Variants in MRPL11 observed in about 807,000 individuals in gnomAD.
MRPL11 encodes the protein mitochondrial ribosomal protein L11.
MRPL11 carries 21 observed loss-of-function variants against 19.1 expected under a neutral mutation model. The observed-to-expected ratio is 1.10, with a 90% CI of 0.78 to 1.58. MRPL11 has a LOEUF of 1.58. MRPL11 is among the 40% of genes most tolerant of loss of function. The pLI is 0.00. For synonymous variants in MRPL11, 108 were observed against 99.7 expected (o/e 1.08, Z -0.49); for missense variants, 242 against 243.9 (o/e 0.99, Z 0.05).
In MRPL11 at chr11:66,435,998, G is replaced by A. The variant is rs1389255023; in HGVS notation, c.*9C>T. 1 of 1,609,516 alleles carries A rather than the reference G, an allele frequency of 6.2e-7. No homozygotes were observed. ...CTCCTTTGAAATCTGGGAGTTGGTG[G>A]GGCAAGGGTCACTTCTTGGCAGCTT... On this transcript the variant is annotated 3_prime_UTR_variant, in exon 5 of 5. Coordinates refer to ENST00000310999, the MANE Select transcript of MRPL11 (RefSeq NM_016050.5).
intron 4 of MRPL11, among the ~76,000 whole-genome samples, chr11:66,436,368 C>T (rs1005141480): frequency 6.6e-6 from 1 of 152,126 alleles, no homozygotes; most frequent in Non-Finnish European, 1.5e-5. Context: ...ATCAGCCAGG[C>T]CCCAGTCCAG....
chr11:66,436,136 G>A, intron 4 of MRPL11, 24 bp from the exon 5 acceptor site: 3 of 1,600,674 alleles, frequency 1.9e-6, no homozygotes, highest in African/African-American at 1.3e-5. Flanking sequence ...AAGACAAATG[G>A]TTGGCGCATG....
chr11:66,437,204 C>T lies in MRPL11; in HGVS notation c.373G>A (p.Ala125Thr), dbSNP rs370369563. Residue 125 changes from alanine to threonine, a missense_variant, in exon 4 of 5, where the codon GCT becomes ACT. Coordinates refer to ENST00000310999, the MANE Select transcript of MRPL11 (RefSeq NM_016050.5). ...TGCAGGGCAAATGCCTCATCCTGAG[C>T]TTTGATGCGGGCAATCTCATACACA... ...KHVYEIARIK[A>T]QDEAFALQDV... 1.2e-6 allele frequency: 2 copies of T among 1,614,134 alleles called. No homozygotes were observed. The highest frequency in any genetic ancestry group is 1.3e-5 in the African/African-American group (1 of 74,952).
rs1201711507 is a variant in MRPL11 at position 66,435,946 on chromosome 11, C to T, written c.*61G>A. ...ATCATATTGGTGTGACCTCCTTCCT[C>T]CCCTTGGGCACAGCTTTTGCAACTA... On this transcript the variant is annotated 3_prime_UTR_variant, in exon 5 of 5. Transcript: ENST00000310999. 7.9e-7 allele frequency: 1 copy of T among 1,264,502 alleles called. No homozygotes were observed. The highest frequency in any genetic ancestry group is 1.2e-6 in the Non-Finnish European group (1 of 868,524). The allele number at this position is 1,264,502 out of a possible 1,614,324, so 78.3% of individuals were successfully genotyped here.
At chr11:66,436,262 T>C (rs531261794) in intron 4 of MRPL11, 150 bp from the exon 5 acceptor site, 12 of 621,960 alleles carry the variant, frequency 1.9e-5, no homozygotes, top group African/African-American at 1.8e-4. Flanking sequence ...CCAGCCTCCA[T>C]ACCTTTGCTC....
rs1160358800 is a variant in MRPL11, at chr11:66,437,144, T to C, written c.433A>G (p.Ile145Val). 6.8e-6 allele frequency: 11 copies of C among 1,614,218 alleles called. No individual in the cohort carries two copies. Among genetic ancestry groups the C allele is most frequent in the African/African-American group, 1.3e-5 (1 of 75,058 alleles). Residue 145 changes from isoleucine (I) to valine (V), a missense_variant, in exon 4 of 5, where the codon ATC becomes GTC. Transcript: ENST00000310999. ...VPLSSVVRSI[I>V]GSARSLGIRV... ...ATGCCCAGAGAACGGGCAGACCCGA[T>C]GATGGAGCGGACAACAGACGACAGG...
chr11:66,438,645 G>C lies in MRPL11; in HGVS notation c.110C>G (p.Pro37Arg). 1 of 1,545,684 alleles carries C rather than the reference G, an allele frequency of 6.5e-7. No individual in the cohort carries two copies. Among genetic ancestry groups the C allele is most frequent in the South Asian group, 1.2e-5 (1 of 85,018 alleles). The change falls in exon 1 of 5, where the codon CCA becomes CGA. Residue 37 changes from proline to arginine, a missense_variant. By Grantham distance (103) the Pro-to-Arg change is moderately radical. Transcript: ENST00000310999. The stretch of plus-strand genomic sequence containing the variant: ...CCACGGCCGCACCTGACCCAGCACT[G>C]GGCCTAGTGGGGGCCCGGGCATGGC... ...GLAMPGPPLG[P>R]VLGQRGVSIN...
chr11:66,438,519 G>A, intron 1 of MRPL11, 113 bp downstream of exon 1: 1 of 1,389,208 alleles, frequency 7.2e-7, no homozygotes, highest in Non-Finnish European at 9.7e-7. Context: ...GTGAGAAGCA[G>A]AGCCGAGCTC....
rs1590701621 is a variant in MRPL11, at chr11:66,435,917, C to A, written c.*90G>T. ...ATATATCATTCAAAGTCATGAAAAC[C>A]ATCATCATATTGGTGTGACCTCCTT... On this transcript the variant is annotated 3_prime_UTR_variant, in exon 5 of 5. Transcript: ENST00000310999. 1 of 884,714 alleles carries A rather than the reference C, an allele frequency of 1.1e-6. No individual in the cohort carries two copies. Among genetic ancestry groups the A allele is most frequent in the Non-Finnish European group, 1.9e-6 (1 of 538,154 alleles). The allele number at this position is 884,714 out of a possible 1,614,324, so 54.8% of individuals were successfully genotyped here. A position where few individuals can be genotyped will look rare whatever the true frequency, so the allele number is the denominator to read the frequency against.
At chr11:66,437,570 C>A in intron 2 of MRPL11, 127 bp from the exon 3 acceptor site, 2 of 852,182 alleles carry the variant, frequency 2.3e-6, no homozygotes, top group Non-Finnish European at 1.8e-6. Flanking sequence ...ACCACAGAAT[C>A]ACAAGAAAAA....
chr11:66,438,832 A>AGGACCCTTG lies in MRPL11; in HGVS notation c.-79_-78insCAAGGGTCC, dbSNP rs1442087011. The AGGACCCTTG allele has an allele frequency of 7.4e-7, 1 of 1,357,892 alleles. No individual in the cohort carries two copies. The allele number at this position is 1,357,892 out of a possible 1,614,324, so 84.1% of individuals were successfully genotyped here. On this transcript the variant is annotated 5_prime_UTR_variant, in exon 1 of 5. Coordinates refer to ENST00000310999, the MANE Select transcript of MRPL11 (RefSeq NM_016050.5). ...TCTGGGCGCCACCATCTTGGGCCAG[A>AGGACCCTTG]GGTCAAGGGTCCTCACGTTAGGCTA...
rs1175896937 is a variant in MRPL11, at chr11:66,435,538, CA to C, written c.*468del. ...TTTTTGATGGAAGAAGTAAGCAATA[CA>C]CCTCAGCCCTAGCAACCATAGTTCC... On this transcript the variant is annotated 3_prime_UTR_variant, in exon 5 of 5. Coordinates refer to ENST00000310999, the MANE Select transcript of MRPL11 (RefSeq NM_016050.5). 6.5e-6 allele frequency: 1 copy of C among 154,410 alleles called. No homozygotes were observed. Among genetic ancestry groups the C allele is most frequent in the African/African-American group, 2.4e-5 (1 of 41,454 alleles). 9.6% of individuals were successfully genotyped at this position (154,410 alleles called of 1,614,324 possible).
chr11:66,437,030 G>A (rs1856986082), intron 4 of MRPL11, 74 bp downstream of exon 4: 2 of 1,491,296 alleles, frequency 1.3e-6, no homozygotes, highest in East Asian at 5.2e-5. Flanking sequence ...CCACTGCAAT[G>A]GGCCCTCTCA....
Position 66,438,847 on chromosome 11 carries a change from A to C in MRPL11, c.-93T>G. 1.5e-6 allele frequency: 2 copies of C among 1,308,346 alleles called. No individual in the cohort carries two copies. The highest frequency in any genetic ancestry group is 9.9e-7 in the Non-Finnish European group (1 of 1,013,126). 81.0% of individuals were successfully genotyped at this position (1,308,346 alleles called of 1,614,324 possible). A position where few individuals can be genotyped will look rare whatever the true frequency, so the allele number is the denominator to read the frequency against. On this transcript the variant is annotated 5_prime_UTR_variant, in exon 1 of 5. Transcript: ENST00000310999. ...CTTGGGCCAGAGGTCAAGGGTCCTC[A>C]CGTTAGGCTAGGGCAGGTGAGGCCA...
chr11:66,437,029 T>C, intron 4 of MRPL11, 75 bp downstream of exon 4: 1 of 1,322,912 alleles, frequency 7.6e-7, no homozygotes, highest in South Asian at 1.2e-5. Flanking sequence ...CCCACTGCAA[T>C]GGGCCCTCTC....
chr11:66,438,113 C>G, intron 2 of MRPL11, 51 bp downstream of exon 2: 1 of 1,365,592 alleles, frequency 7.3e-7, no homozygotes. Context: ...GTCCCAGGGC[C>G]GAGGAAGAAC....
chr11:66,438,831 GAGGTCAAGGGTCCTCACGTT>G, exon 1 of MRPL11: 1 of 1,357,762 alleles, frequency 7.4e-7, no homozygotes, highest in South Asian at 1.8e-5. Flanking sequence ...TCTTGGGCCA[GAGGTCAAGGGTCCTCACGTT>G]AGGCTAGGGC....
chr11:66,437,362 C>G lies in MRPL11; in HGVS notation c.301G>C (p.Ala101Pro). ...CCCTGGCCCTCACCTGTTTGCCGGG[C>G]CCCCTTTTCAATCCCAGCTGCTGCC... ...LKAAAGIEKG[A>P]RQTGKEVAGL... Residue 101 changes from alanine (A) to proline (P), a missense_variant, in exon 3 of 5, where the codon GCC becomes CCC. Coordinates refer to ENST00000310999, the MANE Select transcript of MRPL11 (RefSeq NM_016050.5). The G allele has an allele frequency of 6.2e-7, 1 of 1,614,186 alleles. No individual in the cohort carries two copies. Among genetic ancestry groups the G allele is most frequent in the South Asian group, 1.1e-5 (1 of 91,080 alleles).
At position 66,438,766 on chromosome 11, in the gene MRPL11, G is replaced by T. The variant is rs1857044914; in HGVS notation, c.-12C>A. 2.0e-6 allele frequency: 3 copies of T among 1,537,600 alleles called. No individual in the cohort carries two copies. The highest frequency in any genetic ancestry group is 1.2e-5 in the South Asian group (1 of 82,970). On this transcript the variant is annotated 5_prime_UTR_variant, in exon 1 of 5. Transcript: ENST00000310999. ...CCGAGCTTTGACATGATGCGGGGCT[G>T]CTGGCTTCAGTTCACCTCAGGGGAG...
Sources: allele counts gnomAD v4.1 joint callset (sites outside exome capture counted in the v4.1 genomes callset), GRCh38; gene constraint gnomAD v4.1.1; transcripts MANE v1.5; gene names NCBI Gene and HGNC (gene_info 2026-07-23, HGNC 2026-07-21).